IL16: variants seen among roughly 807,000 people sequenced by gnomAD.
IL16 encodes pro-interleukin-16.
In IL16, 67 loss-of-function variants were observed where a neutral mutation model predicts 110.1. That is an observed-to-expected ratio of 0.61 (90% CI 0.50 to 0.75). The LOEUF (loss-of-function observed/expected upper bound fraction) is 0.75. IL16 is among the 30% of genes least tolerant of loss of function. The probability of loss-of-function intolerance (pLI) is 0.00; values close to 1 mark genes in which losing one functional copy is unlikely to be tolerated. For missense variants in IL16, 1,545 were observed against 1,655.0 expected (o/e 0.93, Z 1.15); for synonymous variants, 689 against 662.9 (o/e 1.04, Z -0.61).
At chr15:81,306,584 G>A in intron 18 of IL16, 39 bp downstream of exon 18, 1 of 1,605,928 alleles carries the variant, frequency 6.2e-7, no homozygotes, top group Non-Finnish European at 8.5e-7. Context: ...CTCTCCAGTT[G>A]TGGGCATGTG....
At chr15:81,228,821 T>G (rs1896877101) in intron 2 of IL16, among the ~76,000 whole-genome samples, 2 of 152,196 alleles carry the variant, frequency 1.3e-5, no homozygotes, top group African/African-American at 2.4e-5. Context: ...TCTGACTGCC[T>G]AGGTTGTGGT....
chr15:81,183,030 T>A, intron 1 of IL16: 1 of 466,082 alleles, frequency 2.1e-6, no homozygotes, highest in Non-Finnish European at 4.0e-6. Flanking sequence ...AGTGAGTGTG[T>A]GTGTGCACAC....
At chr15:81,206,861 T>TG (rs1896035370) in intron 1 of IL16, among the ~76,000 whole-genome samples, 1 of 121,500 alleles carries the variant, frequency 8.2e-6, no homozygotes, top group Non-Finnish European at 1.7e-5. Flanking sequence ...TTTCGGGCTT[T>TG]AAATAATGAT....
chr15:81,227,308 A>G (rs1896821801), intron 2 of IL16, among the ~76,000 whole-genome samples: 1 of 152,174 alleles, frequency 6.6e-6, no homozygotes, highest in South Asian at 2.1e-4. Flanking sequence ...AAGACATATT[A>G]AGCAGGATAA....
chr15:81,267,782 C>G (rs540929804), intron 4 of IL16, among the ~76,000 whole-genome samples: 1 of 152,188 alleles, frequency 6.6e-6, no homozygotes, highest in Admixed American at 6.5e-5. Flanking sequence ...CAGTCACGCA[C>G]GAAGGATGCT....
chr15:81,313,319 G>A lies in IL16; in HGVS notation c.*4521G>A. Reference sequence around the variant, plus strand: ...CATAAAACCGGGTCATGCTGCGGGGGAAGAAGGAGTCCACCACGTTCTGTG... The same window carrying A: ...CATAAAACCGGGTCATGCTGCGGGGAAAGAAGGAGTCCACCACGTTCTGTG... On this transcript the variant is annotated 3_prime_UTR_variant, in exon 19 of 19. Coordinates refer to ENST00000683961, the MANE Select transcript of IL16 (RefSeq NM_172217.5). The A allele has an allele frequency of 1.9e-6, 3 of 1,579,064 alleles. No homozygotes were observed. Among genetic ancestry groups the A allele is most frequent in the South Asian group, 2.4e-5 (2 of 84,608 alleles).
chr15:81,261,252 G>T (rs1255235720), intron 3 of IL16, among the ~76,000 whole-genome samples: 18 of 152,220 alleles, frequency 1.2e-4, no homozygotes, highest in Non-Finnish European at 2.9e-5. Context: ...CTTTGAACCA[G>T]GTTGGGATTC....
At chr15:81,236,179 G>C (rs1408984809) in intron 2 of IL16, among the ~76,000 whole-genome samples, 1 of 152,228 alleles carries the variant, frequency 6.6e-6, no homozygotes, top group East Asian at 1.9e-4. Flanking sequence ...GCTGTGGTTG[G>C]AGAAAAGGTG....
rs562590729 is a variant in IL16 at position 81,282,992 on chromosome 15, G to C, written c.1199+236G>C. Among the ~76,000 whole-genome samples, 15 of 152,342 alleles carry C rather than the reference G, an allele frequency of 9.8e-5. No homozygotes were observed. In the South Asian group the frequency reaches 3.1e-3, roughly 32 times the overall value. On this transcript the variant is annotated intron_variant, in intron 9 of 18. Coordinates refer to ENST00000683961, the MANE Select transcript of IL16 (RefSeq NM_172217.5). Reference sequence around the variant, plus strand: ...ATGCATTTGCAATCTGGCTCAGAGGGAGGGAGTGAGGCTTTGCACCCCAGC... The same window carrying C: ...ATGCATTTGCAATCTGGCTCAGAGGCAGGGAGTGAGGCTTTGCACCCCAGC...
chr15:81,251,580 C>T (rs66862541), intron 2 of IL16, among the ~76,000 whole-genome samples: 37,181 of 152,048 alleles, frequency 0.24, 5,351 homozygotes, highest in African/African-American at 0.4. Context: ...CATCTTTGTG[C>T]ACCTTGTCCA....
intron 1 of IL16, among the ~76,000 whole-genome samples, chr15:81,198,075 C>G (rs1030502456): frequency 3.3e-5 from 5 of 152,134 alleles, no homozygotes; most frequent in South Asian, 2.1e-4. Context: ...TCAACATTTA[C>G]GAGCACAGTA....
At chr15:81,264,353 C>A (rs1898282278) in intron 3 of IL16, among the ~76,000 whole-genome samples, 1 of 151,930 alleles carries the variant, frequency 6.6e-6, no homozygotes, top group Non-Finnish European at 1.5e-5. Flanking sequence ...GGACCAAAAC[C>A]TCTCCCTTCT....
chr15:81,306,612 C>G (rs919561923), intron 18 of IL16, 67 bp downstream of exon 18: 1 of 1,585,100 alleles, frequency 6.3e-7, no homozygotes, highest in Non-Finnish European at 8.6e-7. Flanking sequence ...CCCCAAAAGG[C>G]TTCTGGGCAC....
At chr15:81,203,036 A>T (rs1895878216) in intron 1 of IL16, among the ~76,000 whole-genome samples, 2 of 152,120 alleles carry the variant, frequency 1.3e-5, no homozygotes, top group Admixed American at 1.3e-4. Flanking sequence ...GTGAGATGAT[A>T]TCTCATTGTG....
At chr15:81,297,538 A>G (rs1258666738) in intron 13 of IL16, among the ~76,000 whole-genome samples, 4 of 152,252 alleles carry the variant, frequency 2.6e-5, no homozygotes, top group Non-Finnish European at 4.4e-5. Flanking sequence ...GTGTGTCCAC[A>G]TGGTACACCT....
At chr15:81,280,655 G>A (rs1376672090) in intron 8 of IL16, among the ~76,000 whole-genome samples, 3 of 152,178 alleles carry the variant, frequency 2.0e-5, no homozygotes, top group East Asian at 1.9e-4. Context: ...ATATATTGTC[G>A]AAGTGGAAGG....
At chr15:81,289,835 CAAAT>C (rs961121753) in intron 10 of IL16, 23 of 408,628 alleles carry the variant, frequency 5.6e-5, no homozygotes, top group Non-Finnish European at 8.1e-5. Context: ...CTTTTGATGT[CAAAT>C]AATTTATTTT....
At chr15:81,275,372 GA>G (rs1567031102) in intron 6 of IL16, among the ~76,000 whole-genome samples, 28 of 53,750 alleles carry the variant, frequency 5.2e-4, no homozygotes, top group Non-Finnish European at 7.4e-4. Context: ...GGGGGGAGGG[GA>G]GGGGAGGGGA....
At chr15:81,233,327 C>T (rs535295256) in intron 2 of IL16, among the ~76,000 whole-genome samples, 4 of 151,984 alleles carry the variant, frequency 2.6e-5, no homozygotes, top group Admixed American at 6.6e-5. Context: ...AAACCATTAA[C>T]GTTACTCACA....
Sources: gnomAD v4.1 joint callset for allele counts (sites outside exome capture counted in the v4.1 genomes callset) on GRCh38, gnomAD v4.1.1 for gene constraint, MANE v1.5 for transcripts, NCBI Gene and HGNC (gene_info 2026-07-23, HGNC 2026-07-21) for gene names.